The following SLC41A2 variants were observed in gnomAD, a reference collection of about 807,000 sequenced individuals.
SLC41A2 encodes the protein SLC41A1-like 1.
A neutral mutation model predicts 58.3 loss-of-function variants in SLC41A2; 32 were observed. The observed-to-expected ratio is 0.55, with a 90% CI of 0.41 to 0.74. SLC41A2 has a LOEUF of 0.74. SLC41A2 is among the 30% of genes least tolerant of loss of function. The probability of loss-of-function intolerance (pLI) is 0.00; values close to 1 mark genes in which losing one functional copy is unlikely to be tolerated. For missense variants in SLC41A2, 514 were observed against 680.6 expected (o/e 0.76, Z 2.72); for synonymous variants, 190 against 235.0 (o/e 0.81, Z 1.75).
At chr12:104,862,982 A>G (rs1464984777) in intron 7 of SLC41A2, among the ~76,000 whole-genome samples, 1 of 152,234 alleles carries the variant, frequency 6.6e-6, no homozygotes, top group Non-Finnish European at 1.5e-5. Flanking sequence ...TCTCTTGAAT[A>G]TGTTCCTGTA....
At chr12:104,805,968 TAA>T (rs1157365645) in intron 10 of SLC41A2, among the ~76,000 whole-genome samples, 4 of 152,336 alleles carry the variant, frequency 2.6e-5, no homozygotes, top group Non-Finnish European at 4.4e-5. Context: ...ATCAGGAATA[TAA>T]AGACTTTTGT....
chr12:104,912,973 C>T (rs991301942), intron 2 of SLC41A2, among the ~76,000 whole-genome samples: 1 of 152,174 alleles, frequency 6.6e-6, no homozygotes, highest in Admixed American at 6.5e-5. Context: ...AACATGAAAG[C>T]ATCACATGCC....
intron 1 of SLC41A2, among the ~76,000 whole-genome samples, chr12:104,954,190 T>C (rs552344078): frequency 1.3e-5 from 2 of 152,244 alleles, no homozygotes; most frequent in East Asian, 3.9e-4. Flanking sequence ...CTACTATCCC[T>C]CCTCAAGTCA....
chr12:104,827,445 T>C (rs1295513983), intron 10 of SLC41A2, among the ~76,000 whole-genome samples: 1 of 152,220 alleles, frequency 6.6e-6, no homozygotes, highest in Non-Finnish European at 1.5e-5. Flanking sequence ...CTGCTAAAGA[T>C]AAGGCAAGAA....
chr12:104,918,412 C>T (rs1011987819), intron 2 of SLC41A2, among the ~76,000 whole-genome samples: 3 of 151,982 alleles, frequency 2.0e-5, no homozygotes, highest in East Asian at 1.9e-4. Flanking sequence ...TAAGGTAACT[C>T]GGCAGATTAA....
intron 3 of SLC41A2, among the ~76,000 whole-genome samples, chr12:104,898,591 T>C (rs2045409471): frequency 6.6e-6 from 1 of 152,008 alleles, no homozygotes; most frequent in African/African-American, 2.4e-5. Context: ...ACCAGAAAGT[T>C]ACCATTGTTA....
At chr12:104,878,330 T>TATA (rs1555206648) in intron 6 of SLC41A2, among the ~76,000 whole-genome samples, 1 of 147,876 alleles carries the variant, frequency 6.8e-6, no homozygotes, top group African/African-American at 2.5e-5. Context: ...TATATATACA[T>TATA]TTTTTAAGTT....
chr12:104,848,929 C>G (rs1461588512), intron 8 of SLC41A2, among the ~76,000 whole-genome samples: 1 of 151,256 alleles, frequency 6.6e-6, no homozygotes, highest in Non-Finnish European at 1.5e-5. Flanking sequence ...CACACCAAAT[C>G]TGACATATGA....
At chr12:104,914,693 T>C (rs1012426981) in intron 2 of SLC41A2, among the ~76,000 whole-genome samples, 1 of 152,234 alleles carries the variant, frequency 6.6e-6, no homozygotes, top group Non-Finnish European at 1.5e-5. Context: ...GCAAGGGCTC[T>C]AGAGTCAGAT....
At chr12:104,883,433 G>C (rs1181521876) in intron 6 of SLC41A2, among the ~76,000 whole-genome samples, 1 of 152,148 alleles carries the variant, frequency 6.6e-6, no homozygotes, top group Non-Finnish European at 1.5e-5. Flanking sequence ...TTCTGCTCTG[G>C]TTTCTCCCCA....
At chr12:104,905,229 C>G (rs2045775521) in intron 3 of SLC41A2, among the ~76,000 whole-genome samples, 2 of 152,204 alleles carry the variant, frequency 1.3e-5, no homozygotes, top group African/African-American at 4.8e-5. Context: ...GTTTACAAAC[C>G]TTGAGCTAGA....
intron 4 of SLC41A2, among the ~76,000 whole-genome samples, chr12:104,889,608 A>T (rs1457507680): frequency 1.3e-5 from 2 of 152,188 alleles, no homozygotes; most frequent in East Asian, 3.8e-4. Flanking sequence ...GTAGCAAATT[A>T]TTTAAACTCA....
At chr12:104,873,720 A>G (rs2043901077) in intron 6 of SLC41A2, among the ~76,000 whole-genome samples, 1 of 152,190 alleles carries the variant, frequency 6.6e-6, no homozygotes, top group African/African-American at 2.4e-5. Flanking sequence ...AATAGCCATT[A>G]TAACAGATGT....
chr12:104,848,905 C>T (rs907095768), intron 8 of SLC41A2, among the ~76,000 whole-genome samples: 1 of 151,946 alleles, frequency 6.6e-6, no homozygotes, highest in African/African-American at 2.4e-5. Flanking sequence ...ACCACACACA[C>T]ACACACACAC....
intron 10 of SLC41A2, among the ~76,000 whole-genome samples, chr12:104,835,470 C>T (rs1310180856): frequency 6.6e-6 from 1 of 152,152 alleles, no homozygotes; most frequent in Non-Finnish European, 1.5e-5. Context: ...TCCATAAATA[C>T]CCTGAGTTTT....
chr12:104,832,477 G>C (rs1275184656), intron 10 of SLC41A2, among the ~76,000 whole-genome samples: 1 of 152,082 alleles, frequency 6.6e-6, no homozygotes, highest in Non-Finnish European at 1.5e-5. Flanking sequence ...CCATCAACAG[G>C]ACAGTCAATT....
intron 1 of SLC41A2, among the ~76,000 whole-genome samples, chr12:104,940,687 G>A (rs2047476600): frequency 6.6e-6 from 1 of 151,590 alleles, no homozygotes; most frequent in Non-Finnish European, 1.5e-5. Flanking sequence ...GAGGGCCAAG[G>A]CAGGTGGATC....
intron 8 of SLC41A2, among the ~76,000 whole-genome samples, chr12:104,853,288 A>G (rs901843680): frequency 6.6e-6 from 1 of 152,224 alleles, no homozygotes; most frequent in African/African-American, 2.4e-5. Flanking sequence ...AGGAAACCCA[A>G]AGCAAAAGTT....
At chr12:104,883,432 G>A (rs762339651) in intron 6 of SLC41A2, among the ~76,000 whole-genome samples, 2 of 152,190 alleles carry the variant, frequency 1.3e-5, no homozygotes, top group African/African-American at 4.8e-5. Context: ...TTTCTGCTCT[G>A]GTTTCTCCCC....
Sources: gnomAD v4.1 joint callset for allele counts (sites outside exome capture counted in the v4.1 genomes callset) on GRCh38, gnomAD v4.1.1 for gene constraint, MANE v1.5 for transcripts, NCBI Gene and HGNC (gene_info 2026-07-23, HGNC 2026-07-21) for gene names.